Variants in PRRC2B observed in about 807,000 individuals in gnomAD.
The protein encoded by PRRC2B is protein PRRC2B.
PRRC2B carries 68 observed loss-of-function variants against 242.3 expected under a neutral mutation model. The observed-to-expected ratio is 0.28, with a 90% confidence interval of 0.23 to 0.34. The LOEUF (loss-of-function observed/expected upper bound fraction) is 0.34. PRRC2B is among the 10% of genes least tolerant of loss of function. PRRC2B has a pLI of 1.00. For synonymous variants in PRRC2B, 1,228 were observed against 1,173.6 expected (o/e 1.05, Z -0.95); for missense variants, 2,835 against 2,954.8 (o/e 0.96, Z 0.94).
chr9:131,413,789 AGCCTCCCG>A (rs1335485163), intron 1 of PRRC2B, among the ~76,000 whole-genome samples: 5 of 152,190 alleles, frequency 3.3e-5, no homozygotes, highest in African/African-American at 1.2e-4. Context: ...CTTCGGCCTC[AGCCTCCCG>A]AGTACCTGGG....
intron 11 of PRRC2B, among the ~76,000 whole-genome samples, chr9:131,460,287 A>G (rs1319577767): frequency 1.3e-5 from 2 of 152,212 alleles, no homozygotes; most frequent in African/African-American, 4.8e-5. Flanking sequence ...ACACACCTCT[A>G]GCCTTCTTTA....
At position 131,444,301 on chromosome 9, in the gene PRRC2B, G is replaced by C; in HGVS notation, c.586G>C (p.Gly196Arg). The C allele has an allele frequency of 6.2e-7, 1 of 1,613,296 alleles. No homozygotes were observed. Among genetic ancestry groups the C allele is most frequent in the Non-Finnish European group, 8.5e-7 (1 of 1,179,574 alleles). ...AAAGGGCGTCTTAGATCTGTCGTAT[G>C]GGCCAGGACCAAGCCTCCGCCCTCA... ...KEKGVLDLSYGPGPSLRPQNV... is the reference protein window; with the variant it reads ...KEKGVLDLSYRPGPSLRPQNV... The change falls in exon 6 of 32, where the codon GGG becomes CGG. Residue 196 changes from glycine to arginine, a missense_variant. Gly to Arg is a moderately radical substitution (Grantham distance 125, BLOSUM62 -2). Coordinates refer to ENST00000683519, the MANE Select transcript of PRRC2B (RefSeq NM_013318.4).
At chr9:131,451,657 A>G (rs1054712412) in intron 9 of PRRC2B, among the ~76,000 whole-genome samples, 13 of 150,618 alleles carry the variant, frequency 8.6e-5, no homozygotes, top group Non-Finnish European at 1.8e-4. Flanking sequence ...TCTGAGGAAG[A>G]AAATGTTTCA....
chr9:131,476,589 G>A (rs530302713), intron 16 of PRRC2B, 54 bp downstream of exon 16: 152 of 1,495,808 alleles, frequency 1.0e-4, no homozygotes, highest in Non-Finnish European at 1.3e-5. Flanking sequence ...GTTCTCAGCA[G>A]CACTGAGTTC....
chr9:131,444,180 G>GA lies in PRRC2B; in HGVS notation c.470-4dup. ...TCCTCCATGTCTACCCCGTCTTCTTGACAGGTTTAAGGGGCTCAAGCCGAC... is the reference window on the plus strand; with the variant it reads ...TCCTCCATGTCTACCCCGTCTTCTTGAACAGGTTTAAGGGGCTCAAGCCGAC... On this transcript the variant is annotated splice_region_variant and splice_polypyrimidine_tract_variant and intron_variant, in intron 5 of 31. Transcript: ENST00000683519. The GA allele has an allele frequency of 6.2e-7, 1 of 1,613,946 alleles. No individual in the cohort carries two copies. The highest frequency in any genetic ancestry group is 8.5e-7 in the Non-Finnish European group (1 of 1,179,868).
intron 9 of PRRC2B, among the ~76,000 whole-genome samples, chr9:131,449,935 C>T (rs982966324): frequency 1.3e-5 from 2 of 152,136 alleles, no homozygotes; most frequent in Non-Finnish European, 2.9e-5. Flanking sequence ...TGTTTTTTCC[C>T]ATACGGCCAA....
At chr9:131,390,640 G>A (rs1334644903), upstream of PRRC2B, among the ~76,000 whole-genome samples, 2 of 150,508 alleles carry the variant, frequency 1.3e-5, no homozygotes, top group African/African-American at 2.4e-5. Context: ...CCGCCACCAC[G>A]CCTGGCTAAT....
intron 10 of PRRC2B, among the ~76,000 whole-genome samples, chr9:131,458,577 T>C (rs145060213): frequency 1.4e-3 from 218 of 152,160 alleles, no homozygotes; most frequent in African/African-American, 5.1e-3. Context: ...CGATTTTGGC[T>C]CACTGCAACC....
At chr9:131,430,526 G>A (rs971791216) in intron 2 of PRRC2B, among the ~76,000 whole-genome samples, 7 of 106,102 alleles carry the variant, frequency 6.6e-5, no homozygotes, top group Non-Finnish European at 4.1e-5. Flanking sequence ...TAGATAGATA[G>A]ATATCTATCT....
chr9:131,478,651 T>A, intron 18 of PRRC2B, 32 bp downstream of exon 18: 1 of 475,354 alleles, frequency 2.1e-6, no homozygotes, highest in Non-Finnish European at 4.2e-6. Flanking sequence ...GGCATGGGGC[T>A]GGAGGGCAGG....
rs1424648771 is a variant in PRRC2B, at chr9:131,475,884, A to G, written c.3755A>G (p.Asp1252Gly). 6.2e-7 allele frequency: 1 copy of G among 1,613,862 alleles called. No homozygotes were observed. The highest frequency in any genetic ancestry group is 2.2e-5 in the East Asian group (1 of 44,846). The change falls in exon 16 of 32, where the codon GAC becomes GGC. Residue 1252 changes from aspartate (D) to glycine (G), a missense_variant. By Grantham distance (94) the Asp-to-Gly change is moderately conservative (BLOSUM62 -1). Transcript: ENST00000683519. ...ACATGCGGATCCCGGCGACCTACAGACAGAGACTATGTCCCAGATTCCTAC... is the reference window on the plus strand; with the variant it reads ...ACATGCGGATCCCGGCGACCTACAGGCAGAGACTATGTCCCAGATTCCTAC... ...SDTCGSRRPT[D>G]RDYVPDSYRH...
intron 1 of PRRC2B, among the ~76,000 whole-genome samples, chr9:131,419,419 C>T (rs184959015): frequency 6.6e-6 from 1 of 152,294 alleles, no homozygotes; most frequent in East Asian, 1.9e-4. Flanking sequence ...GTCCCCAGTG[C>T]ACAGGAGGAG....
At position 131,494,542 on chromosome 9, in the gene PRRC2B, C is replaced by A; in HGVS notation, c.6555+56C>A. 2 of 978,130 alleles carry A rather than the reference C, an allele frequency of 2.0e-6. No individual in the cohort carries two copies. The highest frequency in any genetic ancestry group is 3.1e-6 in the Non-Finnish European group (2 of 636,534). The allele number at this position is 978,130 out of a possible 1,614,324, so 60.6% of individuals were successfully genotyped here. ...CTGGACACTTAGGCCCGTCTCCAAG[C>A]GCCAAAAGAGAAGGGACTGTCCAAC... On this transcript the variant is annotated intron_variant, in intron 31 of 31. Transcript: ENST00000683519. The surrounding 1 kb of genome is among the most constrained non-coding windows in gnomAD (Gnocchi z 4.3).
chr9:131,396,280 CCCTTCCTTTT>C (rs1313842401), intron 1 of PRRC2B, among the ~76,000 whole-genome samples: 4 of 151,112 alleles, frequency 2.6e-5, no homozygotes, highest in East Asian at 1.9e-4. Flanking sequence ...CCCTCCCTTT[CCCTTCCTTTT>C]CCTTCCTTCC....
At chr9:131,420,045 C>T (rs1367698112) in intron 1 of PRRC2B, among the ~76,000 whole-genome samples, 1 of 152,092 alleles carries the variant, frequency 6.6e-6, no homozygotes, top group East Asian at 1.9e-4. Context: ...GTGGGGAGTG[C>T]TTCTTGTGTC....
In PRRC2B at chr9:131,475,112, C is replaced by G. The variant is rs1387063497; in HGVS notation, c.2983C>G (p.Leu995Val). 1 of 1,611,728 alleles carries G rather than the reference C, an allele frequency of 6.2e-7. No individual in the cohort carries two copies. The highest frequency in any genetic ancestry group is 1.3e-5 in the African/African-American group (1 of 74,926). Reference protein sequence around the residue: ...KDEDEENDASLANSSTTTLED... With the variant: ...KDEDEENDASVANSSTTTLED... ...TGAGGACGAAGAGAACGATGCCTCT[C>G]TGGCCAACTCCTCCACCACCACTTT... Residue 995 changes from leucine (L) to valine (V), a missense_variant, in exon 16 of 32, where the codon CTG (leucine) becomes GTG (valine). By Grantham distance (32) the Leu-to-Val change is conservative. This residue lies in a region of PRRC2B where 1,536 missense variants were observed against 1,483.1 expected (regional missense o/e 1.04). Coordinates refer to ENST00000683519, the MANE Select transcript of PRRC2B (RefSeq NM_013318.4).
Position 131,446,894 on chromosome 9 carries a change from A to G in PRRC2B, c.856-191A>G, listed in dbSNP as rs939167486. Among the ~76,000 whole-genome samples the G allele has an allele frequency of 3.3e-5, 5 of 152,226 alleles. No individual in the cohort carries two copies. The highest frequency in any genetic ancestry group is 5.9e-5 in the Non-Finnish European group (4 of 68,040). On this transcript the variant is annotated intron_variant, in intron 7 of 31. Transcript: ENST00000683519. The surrounding 1 kb of genome is among the most constrained non-coding windows in gnomAD (Gnocchi z 4.1). The stretch of plus-strand genomic sequence containing the variant: ...ACAGGAGAGGCAGGTTTTCCCTGAC[A>G]TAGGTCCCCAAGTCTACTTACTGGC...
At chr9:131,376,378 G>T (rs1588231649) in intron 1 of PRRC2B, among the ~76,000 whole-genome samples, 2 of 149,924 alleles carry the variant, frequency 1.3e-5, no homozygotes, top group Middle Eastern at 6.9e-3. Context: ...AGGATGAAAT[G>T]ATAACATGCA....
intron 11 of PRRC2B, among the ~76,000 whole-genome samples, chr9:131,460,375 C>T (rs556341705): frequency 2.6e-5 from 4 of 152,182 alleles, no homozygotes; most frequent in Non-Finnish European, 4.4e-5. Context: ...TGGAATGCCC[C>T]TCAAATTGGG....
Sources: allele counts gnomAD v4.1 joint callset (sites outside exome capture counted in the v4.1 genomes callset), GRCh38; gene constraint gnomAD v4.1.1; regional missense constraint gnomAD v4.1.1; non-coding constraint Gnocchi (gnomAD v3.1); transcripts MANE v1.5; gene names NCBI Gene and HGNC (gene_info 2026-07-23, HGNC 2026-07-21).